Variants in IL1R1 observed in about 807,000 individuals in gnomAD.
The protein encoded by IL1R1 is interleukin-1 receptor type 1.
In IL1R1, 22 loss-of-function variants were observed where a neutral mutation model predicts 50.2. The ratio of observed to expected loss-of-function variants is 0.44; its 90% CI spans 0.31 to 0.63. The LOEUF (loss-of-function observed/expected upper bound fraction) is 0.63, where lower values mean the gene tolerates loss of function less well. IL1R1 is among the 20% of genes least tolerant of loss of function. The probability of loss-of-function intolerance (pLI) is 0.07; values close to 1 mark genes in which losing one functional copy is unlikely to be tolerated. For synonymous variants in IL1R1, 251 were observed against 236.7 expected (o/e 1.06, Z -0.55); for missense variants, 509 against 676.2 (o/e 0.75, Z 2.74).
intron 1 of IL1R1, among the ~76,000 whole-genome samples, chr2:102,091,064 A>G (rs1679645393): frequency 1.3e-5 from 2 of 152,164 alleles, no homozygotes; most frequent in Admixed American, 1.3e-4. Context: ...TGGGCTTTTC[A>G]TAGAGAGCCT....
rs186529817 is a variant in IL1R1, at chr2:102,158,075, C to T, written c.61+290C>T. Among the ~76,000 whole-genome samples the T allele has an allele frequency of 2.0e-5, 3 of 152,340 alleles. No homozygotes were observed. The East Asian group carries it at 5.8e-4, about 29-fold the overall frequency. ...CTAGGTCTCCAATCTAGGTCCAGGC[C>T]TCTTTCCACTTGGCTGCTGGTTGAA... On this transcript the variant is annotated intron_variant, in intron 3 of 11. Transcript: ENST00000410023.
intron 3 of IL1R1, among the ~76,000 whole-genome samples, chr2:102,159,080 G>A (rs1028105692): frequency 3.3e-5 from 5 of 152,234 alleles, no homozygotes; most frequent in African/African-American, 1.2e-4. Flanking sequence ...AATTGCCATT[G>A]ATGAGATGGG....
At chr2:102,168,009 A>C (rs1360981659) in intron 6 of IL1R1, among the ~76,000 whole-genome samples, 1 of 152,126 alleles carries the variant, frequency 6.6e-6, no homozygotes, top group Non-Finnish European at 1.5e-5. Flanking sequence ...TGATTGGGGG[A>C]ATACCGAGTG....
chr2:102,124,137 C>T lies in IL1R1; in HGVS notation c.-84+19265C>T, dbSNP rs566264100. On this transcript the variant is annotated intron_variant, in intron 1 of 10. Transcript: ENST00000409329. ...TTCTGCACTGCTGTAAAGAAATACCCGAGACTGGGCACAGTGGCTCATACC... is the reference window on the plus strand; with the variant it reads ...TTCTGCACTGCTGTAAAGAAATACCTGAGACTGGGCACAGTGGCTCATACC... Among the ~76,000 whole-genome samples the T allele has an allele frequency of 7.2e-5, 11 of 152,082 alleles. No homozygotes were observed. The South Asian group carries it at 1.7e-3, about 23-fold the overall frequency.
chr2:102,086,879 C>G (rs945755204), intron 1 of IL1R1, among the ~76,000 whole-genome samples: 7 of 152,166 alleles, frequency 4.6e-5, no homozygotes, highest in Admixed American at 6.5e-5. Context: ...GAGTGACCTA[C>G]ATTTTTGAAG....
chr2:102,169,857 C>T (rs1163610253), intron 7 of IL1R1, among the ~76,000 whole-genome samples: 3 of 152,174 alleles, frequency 2.0e-5, no homozygotes, highest in Non-Finnish European at 4.4e-5. Flanking sequence ...TCTTCTTCCA[C>T]CTAATTCTCT....
chr2:102,113,184 T>G (rs1007949271), intron 1 of IL1R1, among the ~76,000 whole-genome samples: 1 of 152,246 alleles, frequency 6.6e-6, no homozygotes, highest in Non-Finnish European at 1.5e-5. Flanking sequence ...CTTTAAAGAC[T>G]TTCAGTAAGG....
chr2:102,162,808 T>G (rs543990454), intron 3 of IL1R1, among the ~76,000 whole-genome samples: 43 of 152,308 alleles, frequency 2.8e-4, no homozygotes, highest in Non-Finnish European at 5.4e-4. Flanking sequence ...TTTAAAGAGA[T>G]TTAAATAATA....
intron 1 of IL1R1, among the ~76,000 whole-genome samples, chr2:102,080,665 A>G (rs909824856): frequency 6.6e-6 from 1 of 152,248 alleles, no homozygotes; most frequent in African/African-American, 2.4e-5. Flanking sequence ...TGGTTCTTTG[A>G]AATGTTCAAC....
At chr2:102,169,276 A>C (rs980079062) in intron 7 of IL1R1, among the ~76,000 whole-genome samples, 5 of 152,204 alleles carry the variant, frequency 3.3e-5, no homozygotes, top group Non-Finnish European at 7.3e-5. Context: ...TTTTTTATTC[A>C]AGAGTAAAGA....
intron 3 of IL1R1, 48 bp downstream of exon 3, chr2:102,157,833 A>T (rs1247853664): frequency 8.1e-7 from 1 of 1,237,654 alleles, no homozygotes; most frequent in Non-Finnish European, 1.2e-6. Context: ...AAAATCTGTT[A>T]TTTAGAATAC....
rs189580197 is a variant in IL1R1 at position 102,111,493 on chromosome 2, A to T, written c.-84+6621A>T. ...TTTCTCATTCATTATCTCATGCATT[A>T]ATAAACTGACTGATAATTTTGACAG... On this transcript the variant is annotated intron_variant, in intron 1 of 10. Coordinates refer to the IL1R1 transcript ENST00000409329. Among the ~76,000 whole-genome samples the T allele has an allele frequency of 1.0e-3, 155 of 152,230 alleles. 1 individual carries two copies. The highest frequency in any genetic ancestry group is 1.3e-3 in the Non-Finnish European group (91 of 68,040).
chr2:102,083,449 C>T (rs1242812475), intron 1 of IL1R1, among the ~76,000 whole-genome samples: 1 of 152,088 alleles, frequency 6.6e-6, no homozygotes, highest in East Asian at 1.9e-4. Context: ...CCTACTAGTT[C>T]TCTTTCATGA....
At position 102,143,013 on chromosome 2, in the gene IL1R1, C is replaced by T. The variant is rs1682806480; in HGVS notation, c.-91C>T. On this transcript the variant is annotated 5_prime_UTR_variant, in exon 1 of 12. Transcript: ENST00000410023. The stretch of plus-strand genomic sequence containing the variant: ...GGATCCCATCACCCTCCACGGCCGT[C>T]CGTCCAGGTACGGGGAAGCTGGAGC... 1 of 152,540 alleles carries T rather than the reference C, an allele frequency of 6.6e-6. No individual in the cohort carries two copies. Among genetic ancestry groups the T allele is most frequent in the Non-Finnish European group, 1.5e-5 (1 of 68,328 alleles). 9.4% of individuals were successfully genotyped at this position (152,540 alleles called of 1,614,324 possible).
intron 2 of IL1R1, 85 bp from the exon 3 acceptor site, chr2:102,157,634 C>T (rs1010440052): frequency 4.2e-5 from 34 of 805,334 alleles, no homozygotes; most frequent in Non-Finnish European, 6.6e-5. Context: ...GGGACAGGGC[C>T]GGTGTTGGTA....
chr2:102,113,895 T>C (rs936454951), intron 1 of IL1R1, among the ~76,000 whole-genome samples: 1 of 152,250 alleles, frequency 6.6e-6, no homozygotes, highest in South Asian at 2.1e-4. Flanking sequence ...GGTGAGTTTC[T>C]TCAAGTCGCG....
chr2:102,107,409 G>A (rs776687129), intron 1 of IL1R1, among the ~76,000 whole-genome samples: 5 of 151,300 alleles, frequency 3.3e-5, no homozygotes, highest in African/African-American at 4.9e-5. Flanking sequence ...ACCAAACGCC[G>A]CATATTCTCA....
At chr2:102,158,931 G>T (rs938184968) in intron 3 of IL1R1, among the ~76,000 whole-genome samples, 1 of 152,220 alleles carries the variant, frequency 6.6e-6, no homozygotes, top group Non-Finnish European at 1.5e-5. Context: ...GCAAGGAGAA[G>T]TGAGAAGTAG....
chr2:102,112,268 T>C, intron 1 of IL1R1, among the ~76,000 whole-genome samples: 1 of 151,640 alleles, frequency 6.6e-6, no homozygotes, highest in East Asian at 1.9e-4. Flanking sequence ...GCGGCAAAAC[T>C]GTCCTAAGTG....
Sources: gnomAD v4.1 joint callset for allele counts (sites outside exome capture counted in the v4.1 genomes callset) on GRCh38, gnomAD v4.1.1 for gene constraint, MANE v1.5 for transcripts, NCBI Gene and HGNC (gene_info 2026-07-23, HGNC 2026-07-21) for gene names.